KCNK5: variants seen among roughly 807,000 people sequenced by gnomAD.
KCNK5 encodes potassium two pore domain channel subfamily K member 5.
Under a neutral mutation model 32.9 loss-of-function variants are expected in KCNK5, and 18 were observed. That is an observed-to-expected ratio of 0.55 (90% CI 0.38 to 0.81). The LOEUF (loss-of-function observed/expected upper bound fraction) is 0.81, where lower values mean the gene tolerates loss of function less well. KCNK5 is among the 30% of genes least tolerant of loss of function. The pLI is 0.00. For synonymous variants in KCNK5, 276 were observed against 275.3 expected, an observed-to-expected ratio of 1.00 and a Z score of -0.03; for missense variants, 507 against 651.0, an observed-to-expected ratio of 0.78 and a Z score of 2.41.
At chr6:39,221,236 C>T (rs1166148153) in intron 1 of KCNK5, among the ~76,000 whole-genome samples, 1 of 152,144 alleles carries the variant, frequency 6.6e-6, no homozygotes, top group Non-Finnish European at 1.5e-5. Flanking sequence ...TGAGATGATG[C>T]ACATCAGTGG....
At chr6:39,205,342 C>T (rs55818834) in intron 1 of KCNK5, among the ~76,000 whole-genome samples, 30,008 of 152,110 alleles carry the variant, frequency 0.2, 3,391 homozygotes, top group Admixed American at 0.25. Flanking sequence ...CCCTCTCAAA[C>T]ACACATACCA....
At chr6:39,220,461 T>C (rs1311542574) in intron 1 of KCNK5, among the ~76,000 whole-genome samples, 1 of 152,070 alleles carries the variant, frequency 6.6e-6, no homozygotes, top group Non-Finnish European at 1.5e-5. Flanking sequence ...TGGGTAACCA[T>C]CATCCCAGGA....
At chr6:39,222,322 C>A (rs776381908) in intron 1 of KCNK5, among the ~76,000 whole-genome samples, 2 of 152,190 alleles carry the variant, frequency 1.3e-5, no homozygotes, top group African/African-American at 4.8e-5. Flanking sequence ...GGAAAACCCA[C>A]ACTACATCAC....
chr6:39,213,685 GA>G (rs1475921366), intron 1 of KCNK5, among the ~76,000 whole-genome samples: 1 of 152,158 alleles, frequency 6.6e-6, no homozygotes. Context: ...AGAGTCTAGG[GA>G]AAATTTTAAG....
intron 1 of KCNK5, among the ~76,000 whole-genome samples, chr6:39,202,461 G>C (rs1378684606): frequency 3.3e-5 from 5 of 152,164 alleles, no homozygotes; most frequent in Non-Finnish European, 2.9e-5. Flanking sequence ...GGGGGCAGGA[G>C]CTGGGGAAGG....
intron 1 of KCNK5, among the ~76,000 whole-genome samples, chr6:39,213,097 C>T (rs777358289): frequency 3.3e-4 from 50 of 152,104 alleles, no homozygotes; most frequent in Non-Finnish European, 4.7e-4. Flanking sequence ...CCCACAGATA[C>T]GAAGGGTCAA....
At chr6:39,213,387 C>T (rs369018404) in intron 1 of KCNK5, among the ~76,000 whole-genome samples, 64 of 152,304 alleles carry the variant, frequency 4.2e-4, no homozygotes, top group Non-Finnish European at 5.7e-4. Flanking sequence ...GTTTCTATGA[C>T]GCAATATTAA....
chr6:39,223,207 T>TA (rs1222265145), intron 1 of KCNK5, among the ~76,000 whole-genome samples: 9 of 152,320 alleles, frequency 5.9e-5, no homozygotes, highest in African/African-American at 2.2e-4. Flanking sequence ...GCATTTACGA[T>TA]GTGCCATACA....
intron 1 of KCNK5, among the ~76,000 whole-genome samples, chr6:39,198,948 G>A (rs941444579): frequency 1.3e-5 from 2 of 152,238 alleles, no homozygotes; most frequent in African/African-American, 4.8e-5. Context: ...GTCTGGAACA[G>A]GGGTTCTCCA....
At chr6:39,222,245 A>T (rs1771565815) in intron 1 of KCNK5, among the ~76,000 whole-genome samples, 1 of 152,230 alleles carries the variant, frequency 6.6e-6, no homozygotes. Flanking sequence ...GGCTCGTAGT[A>T]GGAAAAGAAC....
At chr6:39,228,809 C>A (rs1230948307) in intron 1 of KCNK5, 117 bp downstream of exon 1, 1 of 1,003,874 alleles carries the variant, frequency 1.0e-6, no homozygotes, top group Non-Finnish European at 1.5e-6. Context: ...CTCATCACCC[C>A]CTGGACCTTC....
At chr6:39,220,582 C>G (rs1771528192) in intron 1 of KCNK5, among the ~76,000 whole-genome samples, 1 of 152,216 alleles carries the variant, frequency 6.6e-6, no homozygotes, top group Non-Finnish European at 1.5e-5. Context: ...AAGAAGGAAA[C>G]CGTCCCTATT....
intron 1 of KCNK5, among the ~76,000 whole-genome samples, chr6:39,204,963 G>T (rs936358702): frequency 6.6e-6 from 1 of 152,258 alleles, no homozygotes; most frequent in Admixed American, 6.5e-5. Context: ...AGGCCTGGGA[G>T]CCCTGTCCTC....
chr6:39,212,641 A>C (rs1316896198), intron 1 of KCNK5, among the ~76,000 whole-genome samples: 1 of 152,226 alleles, frequency 6.6e-6, no homozygotes, highest in African/African-American at 2.4e-5. Flanking sequence ...GCACTTGTCC[A>C]TGGGCCTCTG....
chr6:39,199,046 T>G (rs1042613924), intron 1 of KCNK5, among the ~76,000 whole-genome samples: 1 of 152,084 alleles, frequency 6.6e-6, no homozygotes, highest in Admixed American at 6.5e-5. Flanking sequence ...AGGCAGTGAG[T>G]ATACTGCAGT....
In KCNK5 at chr6:39,190,828, G is replaced by C. The variant is rs965451550; in HGVS notation, c.*62C>G. 4 of 1,398,948 alleles carry C rather than the reference G, an allele frequency of 2.9e-6. No homozygotes were observed. Among genetic ancestry groups the C allele is most frequent in the Non-Finnish European group, 3.7e-6 (4 of 1,071,062 alleles). 86.7% of individuals were successfully genotyped at this position (1,398,948 alleles called of 1,614,324 possible). On this transcript the variant is annotated 3_prime_UTR_variant, in exon 5 of 5. Coordinates refer to ENST00000359534, the MANE Select transcript of KCNK5 (RefSeq NM_003740.4). ...AGGGGCCAGGCGTCCCGGTCATCTC[G>C]GGACACCCTAGGGTGAGGGGGGAAG...
chr6:39,198,141 T>G (rs1771060579), intron 1 of KCNK5, among the ~76,000 whole-genome samples: 1 of 152,240 alleles, frequency 6.6e-6, no homozygotes, highest in Non-Finnish European at 1.5e-5. Context: ...CTTGAAGTTC[T>G]GTGGAATGTA....
chr6:39,218,616 G>A (rs965663217), intron 1 of KCNK5, among the ~76,000 whole-genome samples: 16 of 152,176 alleles, frequency 1.1e-4, no homozygotes, highest in African/African-American at 3.4e-4. Context: ...GAATGGGTCC[G>A]CAGAGACCCA....
chr6:39,218,640 T>G (rs1771484812), intron 1 of KCNK5, among the ~76,000 whole-genome samples: 1 of 152,062 alleles, frequency 6.6e-6, no homozygotes, highest in South Asian at 2.1e-4. Flanking sequence ...TAAGGGCAGG[T>G]TGGGATGCAC....
Sources: gnomAD v4.1 joint callset for allele counts (sites outside exome capture counted in the v4.1 genomes callset) on GRCh38, gnomAD v4.1.1 for gene constraint, MANE v1.5 for transcripts, NCBI Gene and HGNC (gene_info 2026-07-23, HGNC 2026-07-21) for gene names.